Variants in ALDH1A2 observed in about 807,000 individuals in gnomAD.
The protein encoded by ALDH1A2 is retinal dehydrogenase 2.
Under a neutral mutation model 60.3 loss-of-function variants are expected in ALDH1A2, and 27 were observed. The observed-to-expected ratio is 0.45, with a 90% CI of 0.33 to 0.62. The LOEUF (loss-of-function observed/expected upper bound fraction) is 0.62, where lower values mean the gene tolerates loss of function less well. Ranked by LOEUF, ALDH1A2 falls within the 20% of genes least tolerant of loss-of-function variation. The probability of loss-of-function intolerance (pLI) is 0.02; values close to 1 mark genes in which losing one functional copy is unlikely to be tolerated. For synonymous variants in ALDH1A2, 289 were observed against 232.4 expected, an observed-to-expected ratio of 1.24 and a Z score of -2.21; for missense variants, 581 against 643.8, an observed-to-expected ratio of 0.90 and a Z score of 1.06.
rs139874623 is a variant in ALDH1A2 at position 57,977,887 on chromosome 15, T to C, written c.799-12060A>G. ...TCTCATTTCCTTGAGGAGTGGTTTATAGTTCTCCTTGAAGAGGTCCTTCCA... is the reference window on the plus strand; with the variant it reads ...TCTCATTTCCTTGAGGAGTGGTTTACAGTTCTCCTTGAAGAGGTCCTTCCA... On this transcript the variant is annotated intron_variant, in intron 7 of 12. Coordinates refer to ENST00000249750, the MANE Select transcript of ALDH1A2 (RefSeq NM_003888.4). 5.1e-3 allele frequency among the ~76,000 whole-genome samples: 778 copies of C among 152,344 alleles called. 10 individuals carry two copies. Among genetic ancestry groups the C allele is most frequent in the African/African-American group, 0.018 (741 of 41,564 alleles).
intron 1 of ALDH1A2, among the ~76,000 whole-genome samples, chr15:58,028,492 A>G (rs570290901): frequency 6.6e-6 from 1 of 152,252 alleles, no homozygotes; most frequent in African/African-American, 2.4e-5. Flanking sequence ...AACTGCATCA[A>G]TTAACGGGCA....
chr15:57,988,495 A>G (rs1894787533), intron 7 of ALDH1A2, among the ~76,000 whole-genome samples: 2 of 152,232 alleles, frequency 1.3e-5, no homozygotes, highest in Non-Finnish European at 2.9e-5. Flanking sequence ...AAATGAAAAC[A>G]CGAAGAGTAG....
At chr15:57,959,204 A>G (rs1893640435) in intron 12 of ALDH1A2, among the ~76,000 whole-genome samples, 1 of 152,202 alleles carries the variant, frequency 6.6e-6, no homozygotes, top group South Asian at 2.1e-4. Flanking sequence ...AAAACAATCA[A>G]TGCAAGCAGC....
intron 1 of ALDH1A2, among the ~76,000 whole-genome samples, chr15:58,025,154 C>A (rs569472058): frequency 2.6e-5 from 4 of 152,012 alleles, no homozygotes; most frequent in African/African-American, 9.6e-5. Flanking sequence ...AACCAAACCC[C>A]AAATTAGCAG....
intron 1 of ALDH1A2, 63 bp downstream of exon 1, chr15:58,065,471 C>T (rs761666430): frequency 1.3e-5 from 18 of 1,391,042 alleles, no homozygotes; most frequent in Admixed American, 3.4e-5. Context: ...CTGAAGAGAT[C>T]GGGGAAACCG....
At chr15:58,064,755 G>C (rs549818052) in intron 1 of ALDH1A2, among the ~76,000 whole-genome samples, 4 of 151,974 alleles carry the variant, frequency 2.6e-5, no homozygotes, top group African/African-American at 9.7e-5. Context: ...CGAATTTGTG[G>C]AAAGTAAATT....
At chr15:58,053,662 C>T (rs1896830031) in intron 1 of ALDH1A2, among the ~76,000 whole-genome samples, 1 of 152,054 alleles carries the variant, frequency 6.6e-6, no homozygotes, top group South Asian at 2.1e-4. Context: ...TTTCTACGCC[C>T]TCTCTTTTTC....
chr15:57,991,805 T>C (rs1395222382), intron 7 of ALDH1A2, among the ~76,000 whole-genome samples: 2 of 152,236 alleles, frequency 1.3e-5, no homozygotes, highest in Non-Finnish European at 2.9e-5. Context: ...AGCACTGTTC[T>C]AGACCTGCGG....
chr15:58,064,396 A>G (rs1368558294), intron 1 of ALDH1A2, among the ~76,000 whole-genome samples: 1 of 152,188 alleles, frequency 6.6e-6, no homozygotes, highest in East Asian at 1.9e-4. Flanking sequence ...CTAAAACTCA[A>G]TGCAAGTAAA....
chr15:58,033,469 T>A (rs905207411), intron 1 of ALDH1A2, among the ~76,000 whole-genome samples: 16 of 151,894 alleles, frequency 1.1e-4, no homozygotes, highest in African/African-American at 3.9e-4. Flanking sequence ...TCATGGTATT[T>A]TATCATGCAT....
At chr15:57,981,576 C>T (rs1415901157) in intron 7 of ALDH1A2, among the ~76,000 whole-genome samples, 1 of 152,078 alleles carries the variant, frequency 6.6e-6, no homozygotes, top group Non-Finnish European at 1.5e-5. Flanking sequence ...AGGAGTGATT[C>T]ATAGGCCTTA....
At chr15:58,010,121 TATAGATTATGAA>T (rs1233198925) in intron 4 of ALDH1A2, among the ~76,000 whole-genome samples, 1 of 152,146 alleles carries the variant, frequency 6.6e-6, no homozygotes, top group Non-Finnish European at 1.5e-5. Flanking sequence ...GTGTTGTTTG[TATAGATTATGAA>T]AGTAATTCAC....
At chr15:58,008,273 G>A (rs11071359) in intron 4 of ALDH1A2, among the ~76,000 whole-genome samples, 133,755 of 152,086 alleles carry the variant, frequency 0.88, 60,341 homozygotes, top group East Asian at 1. Flanking sequence ...TAGAGTTTAA[G>A]AGAATTCATC....
At chr15:58,042,527 A>G (rs1896543621) in intron 1 of ALDH1A2, among the ~76,000 whole-genome samples, 1 of 152,014 alleles carries the variant, frequency 6.6e-6, no homozygotes, top group African/African-American at 2.4e-5. Context: ...TTCCAGCTAA[A>G]AGCAAAACAA....
chr15:57,962,840 C>A (rs1459593905), intron 9 of ALDH1A2, among the ~76,000 whole-genome samples: 2 of 152,198 alleles, frequency 1.3e-5, no homozygotes, highest in Non-Finnish European at 2.9e-5. Context: ...CTTGAATAAT[C>A]CCTAAACCCA....
chr15:58,041,232 T>C (rs1450927712), intron 1 of ALDH1A2, among the ~76,000 whole-genome samples: 2 of 151,914 alleles, frequency 1.3e-5, no homozygotes, highest in African/African-American at 4.8e-5. Flanking sequence ...ACCATTTATG[T>C]AAATAAAACA....
At chr15:58,032,340 C>T (rs1185319334) in intron 1 of ALDH1A2, among the ~76,000 whole-genome samples, 1 of 151,978 alleles carries the variant, frequency 6.6e-6, no homozygotes, top group Non-Finnish European at 1.5e-5. Context: ...GAACATCACA[C>T]ACCGGGGCCT....
intron 4 of ALDH1A2, among the ~76,000 whole-genome samples, chr15:58,002,044 C>T (rs1595657726): frequency 6.6e-6 from 1 of 151,828 alleles, no homozygotes; most frequent in Admixed American, 6.6e-5. Flanking sequence ...ACAGATATTG[C>T]TCTTAAAGGG....
intron 7 of ALDH1A2, among the ~76,000 whole-genome samples, chr15:57,986,382 A>G (rs898541113): frequency 4.6e-5 from 7 of 152,106 alleles, no homozygotes; most frequent in Admixed American, 4.6e-4. Context: ...CAGCTTATTA[A>G]TAAGAATAAA....
Sources: allele counts gnomAD v4.1 joint callset (sites outside exome capture counted in the v4.1 genomes callset), GRCh38; gene constraint gnomAD v4.1.1; transcripts MANE v1.5; gene names NCBI Gene and HGNC (gene_info 2026-07-23, HGNC 2026-07-21).